LAMA4: variants seen among roughly 807,000 people sequenced by gnomAD.
LAMA4 encodes the protein laminin subunit alpha-4.
LAMA4 carries 127 observed loss-of-function variants against 207.1 expected under a neutral mutation model. The ratio of observed to expected loss-of-function variants is 0.61; its 90% CI spans 0.53 to 0.71. The LOEUF is 0.71. Ranked by LOEUF, LAMA4 falls within the 30% of genes least tolerant of loss-of-function variation. The pLI, the probability that LAMA4 is intolerant of heterozygous loss-of-function variation, is 0.00. For synonymous variants in LAMA4, 761 were observed against 816.0 expected, an observed-to-expected ratio of 0.93 and a Z score of 1.15; for missense variants, 2,093 against 2,246.5, an observed-to-expected ratio of 0.93 and a Z score of 1.38.
chr6:112,122,161 G>A lies in LAMA4; in HGVS notation c.4328C>T (p.Ala1443Val), dbSNP rs782696599. ...AGTATTCCGCTCTGGGAGTTTCAGAGCAACAGGATCCCATGAAGGTGCATC... is the reference window on the plus strand; with the variant it reads ...AGTATTCCGCTCTGGGAGTTTCAGAACAACAGGATCCCATGAAGGTGCATC... ...SKDAPSWDPV[A>V]LKLPERNTPR... The change falls in exon 32 of 39, where the codon GCT (alanine) becomes GTT (valine). Residue 1443 changes from alanine to valine, a missense_variant. By Grantham distance (64) the Ala-to-Val change is moderately conservative. Around this residue, in one of 3 missense-constraint regions of LAMA4, gnomAD observed 1,704 missense variants for 1,788.4 expected, o/e 0.95. Coordinates refer to ENST00000230538, the MANE Select transcript of LAMA4 (RefSeq NM_001105206.3). 7.4e-6 allele frequency: 12 copies of A among 1,613,746 alleles called. No homozygotes were observed. The East Asian group carries it at 1.3e-4, about 18-fold the overall frequency.
intron 2 of LAMA4, among the ~76,000 whole-genome samples, chr6:112,229,753 G>A (rs984756905): frequency 3.3e-5 from 5 of 152,156 alleles, no homozygotes; most frequent in African/African-American, 4.8e-5. Flanking sequence ...TTCACTCCGC[G>A]TATCATAATT....
intron 13 of LAMA4, among the ~76,000 whole-genome samples, chr6:112,160,854 T>C (rs1781013037): frequency 6.6e-6 from 1 of 152,188 alleles, no homozygotes; most frequent in Non-Finnish European, 1.5e-5. Flanking sequence ...GGAAAGGTAA[T>C]CTTCCTATTA....
At position 112,250,038 on chromosome 6, in the gene LAMA4, C is replaced by T. The variant is rs1032635293; in HGVS notation, c.195+3918G>A. On this transcript the variant is annotated intron_variant, in intron 2 of 38. Transcript: ENST00000230538. Reference sequence around the variant, plus strand: ...ATGAGACTATACCTTCTTTCTATTGCTCCTTGTACCTATTTTATTGCTCTT... The same window carrying T: ...ATGAGACTATACCTTCTTTCTATTGTTCCTTGTACCTATTTTATTGCTCTT... Among the ~76,000 whole-genome samples, 14 of 152,274 alleles carry T rather than the reference C, an allele frequency of 9.2e-5. No individual in the cohort carries two copies. In the South Asian group the frequency reaches 2.9e-3, roughly 32 times the overall value.
At chr6:112,186,009 T>A (rs782683669) in intron 8 of LAMA4, among the ~76,000 whole-genome samples, 1 of 152,218 alleles carries the variant, frequency 6.6e-6, no homozygotes, top group African/African-American at 2.4e-5. Context: ...TTCCAACAGG[T>A]AATTTTGGAC....
intron 3 of LAMA4, among the ~76,000 whole-genome samples, chr6:112,209,370 C>T (rs929394193): frequency 3.3e-5 from 5 of 152,192 alleles, no homozygotes; most frequent in African/African-American, 7.2e-5. Flanking sequence ...CTTGTCAGGG[C>T]TTTAATTCTG....
At chr6:112,224,637 G>A (rs1289684275) in intron 2 of LAMA4, among the ~76,000 whole-genome samples, 1 of 151,956 alleles carries the variant, frequency 6.6e-6, no homozygotes, top group African/African-American at 2.4e-5. Context: ...CCAACATGGT[G>A]AAACCCCAAC....
intron 9 of LAMA4, among the ~76,000 whole-genome samples, chr6:112,180,775 G>T (rs1313339966): frequency 6.6e-6 from 1 of 152,076 alleles, no homozygotes; most frequent in Non-Finnish European, 1.5e-5. Context: ...TAATTATTCT[G>T]GGACACAAGC....
At chr6:112,114,892 AG>A (rs1554323027) in intron 36 of LAMA4, 136 bp from the exon 37 acceptor site, 1 of 718,624 alleles carries the variant, frequency 1.4e-6, no homozygotes, top group South Asian at 1.5e-5. Context: ...TTTGAACACA[AG>A]GGTCTTTGGC....
At chr6:112,234,337 A>G (rs1302576783) in intron 2 of LAMA4, 1 of 151,992 alleles carries the variant, frequency 6.6e-6, no homozygotes, top group Non-Finnish European at 1.5e-5. Flanking sequence ...TCAATACTCT[A>G]CTGTCATCGG....
rs1311547439 is a variant in LAMA4, at chr6:112,157,296, CA to C, written c.1817+1435del. ...GTAAGATGTACCAAAGATCATGAAA[CA>C]AAGCCTTTATTACTTTGCTTTTAAT... On this transcript the variant is annotated intron_variant, in intron 14 of 38. Coordinates refer to ENST00000230538, the MANE Select transcript of LAMA4 (RefSeq NM_001105206.3). 1.4e-4 allele frequency among the ~76,000 whole-genome samples: 20 copies of C among 145,948 alleles called. No homozygotes were observed. In the East Asian group the frequency reaches 4.1e-3, roughly 30 times the overall value.
chr6:112,217,147 T>A (rs541014061), intron 2 of LAMA4, among the ~76,000 whole-genome samples: 2 of 152,098 alleles, frequency 1.3e-5, no homozygotes, highest in Non-Finnish European at 2.9e-5. Flanking sequence ...GATTGAGAGG[T>A]GCTAAGTGGC....
chr6:112,247,740 A>T (rs930606143), intron 2 of LAMA4, among the ~76,000 whole-genome samples: 1 of 152,222 alleles, frequency 6.6e-6, no homozygotes, highest in Non-Finnish European at 1.5e-5. Context: ...TTCTAGGTAT[A>T]CACTCCCAAA....
chr6:112,110,637 C>G (rs1426550008), intron 38 of LAMA4, among the ~76,000 whole-genome samples: 1 of 152,138 alleles, frequency 6.6e-6, no homozygotes, highest in Non-Finnish European at 1.5e-5. Context: ...TTCTTCAAGC[C>G]TGCTCAGTGT....
intron 28 of LAMA4, among the ~76,000 whole-genome samples, chr6:112,132,485 T>C (rs1554330069): frequency 6.6e-6 from 1 of 152,174 alleles, no homozygotes; most frequent in East Asian, 1.9e-4. Context: ...AAAATAAAGA[T>C]GTAATCTTTT....
At position 112,117,994 on chromosome 6, in the gene LAMA4, G is replaced by A. The variant is rs745602843; in HGVS notation, c.4822-96C>T. On this transcript the variant is annotated intron_variant, in intron 34 of 38. Coordinates refer to ENST00000230538, the MANE Select transcript of LAMA4 (RefSeq NM_001105206.3). This position sits in a 1 kb window ranked among gnomAD's most constrained non-coding sequence, Gnocchi z 4.5. ...GGGTTTGAGTCCTGAAGGAACCCACGTAATTCCTTGTTTCATTTATTTCAG... is the reference window on the plus strand; with the variant it reads ...GGGTTTGAGTCCTGAAGGAACCCACATAATTCCTTGTTTCATTTATTTCAG... 993 of 932,620 alleles carry A rather than the reference G, an allele frequency of 1.1e-3. No homozygotes were observed. Among genetic ancestry groups the A allele is most frequent in the Non-Finnish European group, 1.5e-3 (893 of 576,904 alleles). The allele number at this position is 932,620 out of a possible 1,614,324, so 57.8% of individuals were successfully genotyped here. A position where few individuals can be genotyped will look rare whatever the true frequency, so the allele number is the denominator to read the frequency against.
intron 16 of LAMA4, among the ~76,000 whole-genome samples, chr6:112,152,884 T>C (rs1350429830): frequency 6.6e-6 from 1 of 152,060 alleles, no homozygotes; most frequent in African/African-American, 2.4e-5. Flanking sequence ...TTTTAGCTCT[T>C]ATTTTGGGTC....
At chr6:112,239,804 C>T (rs902598985) in intron 2 of LAMA4, among the ~76,000 whole-genome samples, 2 of 152,162 alleles carry the variant, frequency 1.3e-5, no homozygotes. Context: ...TGGCTCATGC[C>T]TGTAATCTCA....
chr6:112,245,776 TCTCTAGC>T (rs1351220998), intron 2 of LAMA4, among the ~76,000 whole-genome samples: 1 of 152,134 alleles, frequency 6.6e-6, no homozygotes, highest in East Asian at 1.9e-4. Flanking sequence ...TAAACACGGA[TCTCTAGC>T]CTCCACCAAA....
rs369495088 is a variant in LAMA4, at chr6:112,117,333, CGTT to C, written c.4981+403_4981+405del. 3.0e-4 allele frequency among the ~76,000 whole-genome samples: 46 copies of C among 152,268 alleles called. 1 individual carries two copies. The East Asian group carries it at 6.0e-3, about 20-fold the overall frequency. ...AGAAATAAAAATTTCTGAAGGATAA[CGTT>C]GTCTGCTGGTGTTGCAAGTCATGGG... On this transcript the variant is annotated intron_variant, in intron 35 of 38. Coordinates refer to ENST00000230538, the MANE Select transcript of LAMA4 (RefSeq NM_001105206.3). The surrounding 1 kb of genome is among the most constrained non-coding windows in gnomAD (Gnocchi z 4.5).
Sources: gnomAD v4.1 joint callset for allele counts (sites outside exome capture counted in the v4.1 genomes callset) on GRCh38, gnomAD v4.1.1 for gene constraint, gnomAD v4.1.1 regional missense constraint, Gnocchi (gnomAD v3.1) non-coding constraint, MANE v1.5 for transcripts, NCBI Gene and HGNC (gene_info 2026-07-23, HGNC 2026-07-21) for gene names.